Variants in WDR59 observed in about 807,000 individuals in gnomAD.
WDR59 encodes WD repeat domain 59.
In WDR59, 100 loss-of-function variants were observed where a neutral mutation model predicts 131.2. The observed-to-expected ratio is 0.76, with a 90% CI of 0.65 to 0.90. The LOEUF is 0.90. WDR59 is among the 40% of genes least tolerant of loss of function. The pLI, the probability that WDR59 is intolerant of heterozygous loss-of-function variation, is 0.00. For synonymous variants in WDR59, 601 were observed against 466.2 expected, an observed-to-expected ratio of 1.29 and a Z score of -3.72; for missense variants, 1,203 against 1,262.2, an observed-to-expected ratio of 0.95 and a Z score of 0.71.
At position 74,915,992 on chromosome 16, in the gene WDR59, G is replaced by C. The variant is rs61734553; in HGVS notation, c.1102C>G (p.Leu368Val). 6,163 of 1,614,126 alleles carry C rather than the reference G, an allele frequency of 3.8e-3. 196 individuals carry two copies. The African/African-American group carries it at 0.068, about 18-fold the overall frequency. Residue 368 changes from leucine to valine, a missense_variant and splice_region_variant, in exon 13 of 26, where the codon CTA becomes GTA. Transcript: ENST00000262144. ...AGATTTCTAGGGGGATCTTCTTTTA[G>C]GGCTAGCAGGAGAGAGAAGTTCAAT... ...HTASHGEEEA[L>V]KEDPPRNLLE...
At chr16:74,968,162 G>A (rs2033847989) in intron 1 of WDR59, among the ~76,000 whole-genome samples, 1 of 152,156 alleles carries the variant, frequency 6.6e-6, no homozygotes, top group African/African-American at 2.4e-5. Context: ...TGTTTAATGG[G>A]TACAGAGCTC....
intron 13 of WDR59, among the ~76,000 whole-genome samples, chr16:74,913,330 A>G (rs574406149): frequency 6.4e-4 from 97 of 151,460 alleles, no homozygotes; most frequent in African/African-American, 2.3e-3. Context: ...AGTGTGGCAC[A>G]ATCTCAGCTC....
intron 7 of WDR59, among the ~76,000 whole-genome samples, chr16:74,938,713 ATT>A (rs551164250): frequency 1.3e-3 from 199 of 151,406 alleles, no homozygotes; most frequent in African/African-American, 4.4e-3. Context: ...ATTTTTTTGT[ATT>A]TTTTCTAGAG....
At chr16:74,976,851 A>G (rs964301718) in intron 1 of WDR59, among the ~76,000 whole-genome samples, 2 of 152,056 alleles carry the variant, frequency 1.3e-5, no homozygotes, top group African/African-American at 4.8e-5. Flanking sequence ...TATAAAAAAT[A>G]CAAACATTAG....
intron 9 of WDR59, among the ~76,000 whole-genome samples, chr16:74,922,341 AC>A (rs1389056843): frequency 6.6e-6 from 1 of 152,186 alleles, no homozygotes; most frequent in South Asian, 2.1e-4. Flanking sequence ...CGCTTGAAGA[AC>A]TTTGAAAATT....
intron 8 of WDR59, among the ~76,000 whole-genome samples, chr16:74,927,904 C>CTTTTTTTTT (rs199671092): frequency 7.3e-6 from 1 of 137,910 alleles, no homozygotes; most frequent in African/African-American, 2.8e-5. Context: ...TTTATTCTTT[C>CTTTTTTTTT]TTTCTTTTTT....
At chr16:74,916,909 A>G (rs1966416552) in intron 11 of WDR59, among the ~76,000 whole-genome samples, 1 of 151,964 alleles carries the variant, frequency 6.6e-6, no homozygotes, top group South Asian at 2.1e-4. Flanking sequence ...TGCAAATTGT[A>G]CCTTTTGGAA....
intron 10 of WDR59, 30 bp from the exon 11 acceptor site, chr16:74,918,038 A>G: frequency 6.2e-7 from 1 of 1,603,900 alleles, no homozygotes; most frequent in South Asian, 1.1e-5. Context: ...AATCCTGGAA[A>G]TTCTTCTGGA....
intron 2 of WDR59, among the ~76,000 whole-genome samples, chr16:74,958,643 C>T (rs1221296205): frequency 1.2e-5 from 1 of 82,954 alleles, no homozygotes; most frequent in Admixed American, 1.5e-4. Flanking sequence ...AGCCAAAGTA[C>T]ATGGAGAGAG....
chr16:74,912,589 C>G (rs538540670), intron 13 of WDR59, among the ~76,000 whole-genome samples: 1 of 152,252 alleles, frequency 6.6e-6, no homozygotes, highest in South Asian at 2.1e-4. Context: ...TTGCTGAGAC[C>G]AGCTCGGTCG....
chr16:74,982,454 G>A (rs891860599), intron 1 of WDR59, among the ~76,000 whole-genome samples: 1 of 152,054 alleles, frequency 6.6e-6, no homozygotes, highest in African/African-American at 2.4e-5. Flanking sequence ...TATTTGCTAC[G>A]ACTTCATAGC....
At chr16:74,973,396 C>G (rs534081991) in intron 1 of WDR59, among the ~76,000 whole-genome samples, 1 of 152,328 alleles carries the variant, frequency 6.6e-6, no homozygotes, top group East Asian at 1.9e-4. Flanking sequence ...AAGCAATTCT[C>G]CTGCCTCAGC....
intron 1 of WDR59, 23 bp downstream of exon 1, chr16:74,984,941 G>T: frequency 1.9e-6 from 3 of 1,600,990 alleles, no homozygotes; most frequent in Non-Finnish European, 2.6e-6. Flanking sequence ...TGCCCAGAGG[G>T]CTCCACTCGG....
At chr16:74,911,144 G>A (rs1966061556) in intron 14 of WDR59, among the ~76,000 whole-genome samples, 2 of 152,206 alleles carry the variant, frequency 1.3e-5, no homozygotes, top group Admixed American at 6.5e-5. Context: ...GATTACGGGA[G>A]TGAGCCACCG....
chr16:74,950,517 G>A (rs990143879), intron 4 of WDR59, among the ~76,000 whole-genome samples: 9 of 152,246 alleles, frequency 5.9e-5, no homozygotes, highest in Non-Finnish European at 1.5e-5. Flanking sequence ...AGGGCCAGAG[G>A]CCTGTGGTGT....
chr16:74,918,294 T>C (rs1966489657), intron 10 of WDR59, among the ~76,000 whole-genome samples: 1 of 152,236 alleles, frequency 6.6e-6, no homozygotes. Flanking sequence ...GAACTATTTT[T>C]AGATAGAACT....
In WDR59 at chr16:74,909,618, G is replaced by A; in HGVS notation, c.1525C>T (p.Pro509Ser). ...GGTAAGGGGGGAGTGACAGAGTTGG[G>A]GAGTGCAAACGGGTTGCTGGAAGCG... is the stretch of plus-strand genomic sequence containing the variant. ...DSASSNPFAL[P>S]NSVTPPLPTF... Residue 509 changes from proline (P) to serine (S), a missense_variant, in exon 16 of 26, where the codon CCC (proline) becomes TCC (serine). Coordinates refer to ENST00000262144, the MANE Select transcript of WDR59 (RefSeq NM_030581.4). The A allele has an allele frequency of 6.2e-7, 1 of 1,601,826 alleles. No homozygotes were observed. The highest frequency in any genetic ancestry group is 1.3e-5 in the African/African-American group (1 of 74,204).
Position 74,877,154 on chromosome 16 carries a change from G to C in WDR59, c.2690-2710C>G, listed in dbSNP as rs186434129. Among the ~76,000 whole-genome samples, 9 of 152,172 alleles carry C rather than the reference G, an allele frequency of 5.9e-5. No individual in the cohort carries two copies. The East Asian group carries it at 1.7e-3, about 29-fold the overall frequency. On this transcript the variant is annotated intron_variant, in intron 25 of 25. Coordinates refer to ENST00000262144, the MANE Select transcript of WDR59 (RefSeq NM_030581.4). ...AAAACGATCAATCAACGCGGTGAGG[G>C]TATTGTCTTACTGAATGTGCTGATA... is the stretch of plus-strand genomic sequence containing the variant.
chr16:74,923,866 C>T, intron 9 of WDR59, 60 bp downstream of exon 9: 6 of 1,457,932 alleles, frequency 4.1e-6, no homozygotes, highest in Non-Finnish European at 5.7e-6. Flanking sequence ...TCCCCGGGCT[C>T]CTTCTTTTTG....
Sources: allele counts gnomAD v4.1 joint callset (sites outside exome capture counted in the v4.1 genomes callset), GRCh38; gene constraint gnomAD v4.1.1; transcripts MANE v1.5; gene names NCBI Gene and HGNC (gene_info 2026-07-23, HGNC 2026-07-21).